The following ITGAD variants were observed in gnomAD, a reference collection of about 807,000 sequenced individuals.
ITGAD encodes integrin subunit alpha D.
A neutral mutation model predicts 139.0 loss-of-function variants in ITGAD; 105 were observed. The observed-to-expected ratio is 0.76, with a 90% CI of 0.65 to 0.89. The LOEUF is 0.89. ITGAD is among the 40% of genes least tolerant of loss of function. The pLI is 0.00. For missense variants in ITGAD, 1,384 were observed against 1,487.3 expected (o/e 0.93, Z 1.14); for synonymous variants, 569 against 598.3 (o/e 0.95, Z 0.71).
chr16:31,425,225 C>A (rs1028625924), intron 29 of ITGAD, among the ~76,000 whole-genome samples: 1 of 152,122 alleles, frequency 6.6e-6, no homozygotes, highest in South Asian at 2.1e-4. Flanking sequence ...GCACACACCA[C>A]CACACCTGGC....
At chr16:31,395,183 G>A (rs980525723) in intron 2 of ITGAD, among the ~76,000 whole-genome samples, 1 of 152,164 alleles carries the variant, frequency 6.6e-6, no homozygotes, top group South Asian at 2.1e-4. Context: ...AGCCGGGCAT[G>A]GTGGCAGGCA....
intron 6 of ITGAD, 137 bp downstream of exon 6, chr16:31,402,382 G>A: frequency 1.3e-6 from 1 of 745,358 alleles, no homozygotes. Flanking sequence ...TATGGTCCCA[G>A]CACAGGCCCA....
intron 23 of ITGAD, among the ~76,000 whole-genome samples, chr16:31,419,834 A>T (rs181000209): frequency 2.3e-3 from 350 of 151,434 alleles, no homozygotes; most frequent in Non-Finnish European, 4.0e-3. Flanking sequence ...AAAAAAAAGA[A>T]AAAAAAAGAA....
At chr16:31,402,091 C>T (rs371312725) in intron 5 of ITGAD, 24 bp from the exon 6 acceptor site, 58 of 1,609,590 alleles carry the variant, frequency 3.6e-5, no homozygotes, top group Middle Eastern at 1.7e-4. Flanking sequence ...AGTGCATCTC[C>T]GATTCCTCCC....
intron 23 of ITGAD, among the ~76,000 whole-genome samples, chr16:31,418,838 T>C (rs1190625224): frequency 6.6e-6 from 1 of 152,256 alleles, no homozygotes; most frequent in Non-Finnish European, 1.5e-5. Context: ...TTGGCCAACA[T>C]GGTGAAACCC....
chr16:31,426,139 T>G lies in ITGAD; in HGVS notation c.*11T>G. On this transcript the variant is annotated 3_prime_UTR_variant, in exon 30 of 30. Transcript: ENST00000389202. ...GTGCCTTTGTCCTAATAATCCACTT[T>G]CCTGTTTATCTCTACCACTGTGGGC... The G allele has an allele frequency of 6.5e-7, 1 of 1,540,014 alleles. No individual in the cohort carries two copies. The highest frequency in any genetic ancestry group is 1.1e-5 in the South Asian group (1 of 89,086).
intron 23 of ITGAD, among the ~76,000 whole-genome samples, 184 bp downstream of exon 23, chr16:31,418,748 C>T (rs557505762): frequency 5.9e-5 from 9 of 152,328 alleles, no homozygotes; most frequent in South Asian, 2.1e-4. Flanking sequence ...GGGCTGGGCG[C>T]GGTACCTCGC....
chr16:31,395,758 A>C (rs2081250385), intron 2 of ITGAD, among the ~76,000 whole-genome samples: 1 of 151,982 alleles, frequency 6.6e-6, no homozygotes, highest in Admixed American at 6.6e-5. Context: ...GGGCGCAGGC[A>C]GGGAGAGAGC....
In ITGAD at chr16:31,414,550, G is replaced by C. The variant is rs749195220; in HGVS notation, c.2096G>C (p.Arg699Pro). The C allele has an allele frequency of 2.5e-6, 4 of 1,614,174 alleles. No homozygotes were observed. In the African/African-American group the frequency reaches 4.0e-5, roughly 16 times the overall value. ...GAAACCAAGAACCCCACTTTGACTC[G>C]AAGAAAAACCCTGGGACTGGGGATT... The part of the protein sequence containing the change: ...FNETKNPTLT[R>P]RKTLGLGIHC... Residue 699 changes from arginine to proline, a missense_variant, in exon 17 of 30, where the codon CGA becomes CCA. Arg to Pro is a moderately radical substitution (Grantham distance 103). Coordinates refer to ENST00000389202, the MANE Select transcript of ITGAD (RefSeq NM_005353.3).
chr16:31,401,784 G>T (rs952208776), intron 5 of ITGAD, among the ~76,000 whole-genome samples: 6 of 152,242 alleles, frequency 3.9e-5, no homozygotes, highest in Non-Finnish European at 8.8e-5. Flanking sequence ...TTTAGCCCAG[G>T]CACACTGGCT....
rs549142050 is a variant in ITGAD, at chr16:31,425,260, G to C, written c.3372+683G>C. 1.9e-4 allele frequency among the ~76,000 whole-genome samples: 29 copies of C among 151,724 alleles called. No individual in the cohort carries two copies. In the South Asian group the frequency reaches 5.6e-3, roughly 30 times the overall value. On this transcript the variant is annotated intron_variant, in intron 29 of 29. Transcript: ENST00000389202. Reference sequence around the variant, plus strand: ...CTATTTTTTGTATTTTTAGTAGAGAGAGGTTTCACCATGTTGGTCAGATTG... The same window carrying C: ...CTATTTTTTGTATTTTTAGTAGAGACAGGTTTCACCATGTTGGTCAGATTG...
In ITGAD at chr16:31,410,499, T is replaced by C. The variant is rs2081661447; in HGVS notation, c.1188T>C (p.Asn396=). The change falls in exon 11 of 30, where the codon AAT becomes AAC. Residue 396 remains asparagine, a synonymous_variant. Transcript: ENST00000389202. ...SPTFINMSQE[N]VDMRDSYLGY... ...CCTTCATCAACATGTCTCAGGAGAA[T>C]GTGGACATGAGGGACTCTTACCTGG... The C allele has an allele frequency of 2.5e-6, 4 of 1,612,466 alleles. No individual in the cohort carries two copies. The highest frequency in any genetic ancestry group is 3.4e-6 in the Non-Finnish European group (4 of 1,179,462).
In ITGAD at chr16:31,397,803, C is replaced by T. The variant is rs12922480; in HGVS notation, c.321C>T (p.Gly107=). 1.2e-6 allele frequency: 2 copies of T among 1,613,180 alleles called. No individual in the cohort carries two copies. Among genetic ancestry groups the T allele is most frequent in the East Asian group, 4.5e-5 (2 of 44,876 alleles). ...STNGSRLLAC[G]PTLHRVCGEN... ...CAGGCTTCTGCCTCCAGGCCTGTGG[C>T]CCGACCCTGCACAGAGTCTGTGGGG... is the stretch of plus-strand genomic sequence containing the variant. Residue 107 remains glycine (G), a synonymous_variant, in exon 5 of 30, where the codon GGC becomes GGT. Coordinates refer to ENST00000389202, the MANE Select transcript of ITGAD (RefSeq NM_005353.3).
At chr16:31,410,283 A>C in intron 10 of ITGAD, 112 bp from the exon 11 acceptor site, 3 of 1,457,818 alleles carry the variant, frequency 2.1e-6, no homozygotes, top group Non-Finnish European at 2.8e-6. Context: ...CGGGCCGGGA[A>C]GACAGAGAAG....
rs2081307938 is a variant in ITGAD at position 31,397,793 on chromosome 16, A to G, written c.313-2A>G. 1 of 1,612,544 alleles carries G rather than the reference A, an allele frequency of 6.2e-7. No homozygotes were observed. Among genetic ancestry groups the G allele is most frequent in the East Asian group, 2.2e-5 (1 of 44,866 alleles). ...TCCTGGCTCACAGGCTTCTGCCTCC[A>G]GGCCTGTGGCCCGACCCTGCACAGA... is the stretch of plus-strand genomic sequence containing the variant. On this transcript the variant is annotated splice_acceptor_variant, in intron 4 of 29. Transcript: ENST00000389202. LOFTEE classifies it high-confidence loss of function.
intron 23 of ITGAD, among the ~76,000 whole-genome samples, chr16:31,421,014 T>C (rs1445051638): frequency 6.6e-6 from 1 of 152,236 alleles, no homozygotes; most frequent in Non-Finnish European, 1.5e-5. Flanking sequence ...TACAGTTATA[T>C]ATACCCATGT....
intron 18 of ITGAD, 41 bp downstream of exon 18, chr16:31,415,032 T>G: frequency 3.1e-6 from 5 of 1,610,740 alleles, no homozygotes; most frequent in Non-Finnish European, 3.4e-6. Context: ...GCTGACTTCA[T>G]TTTGTCTCCA....
chr16:31,411,906 C>G (rs1409706092), intron 14 of ITGAD, among the ~76,000 whole-genome samples: 1 of 152,328 alleles, frequency 6.6e-6, no homozygotes, highest in East Asian at 1.9e-4. Context: ...ACTGCACTCA[C>G]TGAAGGTTCA....
intron 16 of ITGAD, among the ~76,000 whole-genome samples, chr16:31,414,067 C>A (rs2081812408): frequency 6.6e-6 from 1 of 152,186 alleles, no homozygotes; most frequent in African/African-American, 2.4e-5. Flanking sequence ...TGTCATCTAT[C>A]TATTATCTAT....
Sources: allele counts gnomAD v4.1 joint callset (sites outside exome capture counted in the v4.1 genomes callset), GRCh38; gene constraint gnomAD v4.1.1; transcripts MANE v1.5; gene names NCBI Gene and HGNC (gene_info 2026-07-23, HGNC 2026-07-21).